RNF152: variants seen among roughly 807,000 people sequenced by gnomAD.
RNF152 encodes the protein E3 ubiquitin-protein ligase RNF152.
In RNF152, 11 loss-of-function variants were observed where a neutral mutation model predicts 12.7. The ratio of observed to expected loss-of-function variants is 0.86; its 90% CI spans 0.54 to 1.43. The LOEUF (loss-of-function observed/expected upper bound fraction) is 1.43. RNF152 is among the 40% of genes most tolerant of loss of function. The pLI, the probability that RNF152 is intolerant of heterozygous loss-of-function variation, is 0.00. For missense variants in RNF152, 255 were observed against 274.8 expected, an observed-to-expected ratio of 0.93 and a Z score of 0.51; for synonymous variants, 113 against 120.3, an observed-to-expected ratio of 0.94 and a Z score of 0.40.
intron 1 of RNF152, among the ~76,000 whole-genome samples, chr18:61,846,230 C>G (rs762425086): frequency 6.6e-6 from 1 of 152,144 alleles, no homozygotes; most frequent in African/African-American, 2.4e-5. Flanking sequence ...CTTGTTCTTG[C>G]CTTTTCCTCA....
intron 1 of RNF152, among the ~76,000 whole-genome samples, chr18:61,883,333 T>C (rs958523034): frequency 7.9e-5 from 12 of 152,220 alleles, no homozygotes; most frequent in African/African-American, 1.9e-4. Flanking sequence ...ATTAACTTTA[T>C]ATTTATATTG....
intron 1 of RNF152, among the ~76,000 whole-genome samples, chr18:61,850,744 A>G (rs1910933827): frequency 6.6e-6 from 1 of 152,162 alleles, no homozygotes; most frequent in African/African-American, 2.4e-5. Context: ...AATATAGACA[A>G]TTTTATGGTT....
At chr18:61,834,585 TG>T (rs1470412937) in intron 1 of RNF152, among the ~76,000 whole-genome samples, 3 of 152,162 alleles carry the variant, frequency 2.0e-5, no homozygotes, top group African/African-American at 7.2e-5. Context: ...TGGTCTGTCT[TG>T]TATTCTTTCT....
intron 1 of RNF152, among the ~76,000 whole-genome samples, chr18:61,825,670 A>C (rs921533545): frequency 6.6e-6 from 1 of 152,072 alleles, no homozygotes; most frequent in Non-Finnish European, 1.5e-5. Flanking sequence ...GAGGGCTGAG[A>C]GTTGTGCCTT....
chr18:61,841,243 T>C (rs1910441970), intron 1 of RNF152, among the ~76,000 whole-genome samples: 1 of 152,172 alleles, frequency 6.6e-6, no homozygotes, highest in African/African-American at 2.4e-5. Context: ...TACAAAGGCC[T>C]AAAATTCTGG....
intron 1 of RNF152, among the ~76,000 whole-genome samples, chr18:61,870,780 A>T (rs1911955418): frequency 6.6e-6 from 1 of 152,104 alleles, no homozygotes; most frequent in Non-Finnish European, 1.5e-5. Context: ...TCCAGGCAAA[A>T]CAGTTCAGGG....
chr18:61,845,328 A>G (rs1417725894), intron 1 of RNF152, among the ~76,000 whole-genome samples: 1 of 152,194 alleles, frequency 6.6e-6, no homozygotes, highest in Non-Finnish European at 1.5e-5. Context: ...AGGGATCTCA[A>G]ATAAAACCTC....
intron 1 of RNF152, among the ~76,000 whole-genome samples, chr18:61,861,933 G>T (rs1911507418): frequency 6.6e-6 from 1 of 152,090 alleles, no homozygotes; most frequent in African/African-American, 2.4e-5. Flanking sequence ...TCCAACATTG[G>T]GCATTAAATT....
rs889295249 is a variant in RNF152, at chr18:61,809,182, C to A, written c.*6670G>T. ...ATATCTGCCTGTCCCTTCACATAGACCCAGTGCTTCATGTCTCCCTTTCCC... is the reference window on the plus strand; with the variant it reads ...ATATCTGCCTGTCCCTTCACATAGAACCAGTGCTTCATGTCTCCCTTTCCC... On this transcript the variant is annotated 3_prime_UTR_variant, in exon 2 of 2. Coordinates refer to ENST00000312828, the MANE Select transcript of RNF152 (RefSeq NM_173557.3). The A allele has an allele frequency of 6.6e-6, 1 of 152,090 alleles. No homozygotes were observed. The highest frequency in any genetic ancestry group is 1.5e-5 in the Non-Finnish European group (1 of 68,044). 9.4% of individuals were successfully genotyped at this position (152,090 alleles called of 1,614,324 possible).
intron 1 of RNF152, among the ~76,000 whole-genome samples, chr18:61,846,560 T>C (rs936486544): frequency 6.6e-6 from 1 of 152,198 alleles, no homozygotes; most frequent in African/African-American, 2.4e-5. Context: ...CGTTGAGCAC[T>C]TACTCCTTCC....
intron 1 of RNF152, among the ~76,000 whole-genome samples, chr18:61,885,516 C>T (rs1912650183): frequency 6.6e-6 from 1 of 152,096 alleles, no homozygotes; most frequent in African/African-American, 2.4e-5. Context: ...CCATGTTGGC[C>T]AGGCTGGTCT....
intron 1 of RNF152, among the ~76,000 whole-genome samples, chr18:61,820,358 A>AAAAG (rs1909340560): frequency 6.6e-6 from 1 of 150,900 alleles, no homozygotes; most frequent in African/African-American, 2.4e-5. Context: ...AAAAAAAAAA[A>AAAAG]AGAGTAGGAT....
intron 1 of RNF152, among the ~76,000 whole-genome samples, chr18:61,826,066 T>A (rs1909650555): frequency 6.6e-6 from 1 of 152,186 alleles, no homozygotes; most frequent in Admixed American, 6.5e-5. Context: ...CATCAAAATG[T>A]GAAAGCAGTC....
At chr18:61,843,234 A>C (rs1910531511) in intron 1 of RNF152, among the ~76,000 whole-genome samples, 3 of 152,194 alleles carry the variant, frequency 2.0e-5, no homozygotes, top group Admixed American at 1.3e-4. Context: ...CAGAAAAGCC[A>C]TCTCTCAGTA....
intron 1 of RNF152, among the ~76,000 whole-genome samples, chr18:61,824,496 A>T (rs1390800805): frequency 6.6e-6 from 1 of 152,234 alleles, no homozygotes; most frequent in Non-Finnish European, 1.5e-5. Context: ...TTTATGTGAG[A>T]TGGGGGAGTG....
chr18:61,877,274 T>C (rs1263625066), intron 1 of RNF152, among the ~76,000 whole-genome samples: 1 of 152,180 alleles, frequency 6.6e-6, no homozygotes, highest in Non-Finnish European at 1.5e-5. Context: ...TTTAGAATGG[T>C]GCACTGAATT....
At chr18:61,839,566 C>T (rs1910349105) in intron 1 of RNF152, among the ~76,000 whole-genome samples, 1 of 152,126 alleles carries the variant, frequency 6.6e-6, no homozygotes, top group South Asian at 2.1e-4. Context: ...GATCACCTGT[C>T]CCTCCTTGGA....
chr18:61,819,222 A>G (rs543334788), intron 1 of RNF152, among the ~76,000 whole-genome samples: 8 of 152,366 alleles, frequency 5.3e-5, no homozygotes, highest in Non-Finnish European at 1.0e-4. Context: ...ACTCTCAGAG[A>G]ACCTGCAAGC....
At chr18:61,889,749 G>A (rs1464689567) in intron 1 of RNF152, among the ~76,000 whole-genome samples, 1 of 152,160 alleles carries the variant, frequency 6.6e-6, no homozygotes, top group Non-Finnish European at 1.5e-5. Flanking sequence ...CTGTTGCCCT[G>A]TGGTCTCTGC....
Sources: gnomAD v4.1 joint callset for allele counts (sites outside exome capture counted in the v4.1 genomes callset) on GRCh38, gnomAD v4.1.1 for gene constraint, MANE v1.5 for transcripts, NCBI Gene and HGNC (gene_info 2026-07-23, HGNC 2026-07-21) for gene names.